Variants in RANGAP1 observed in about 807,000 individuals in gnomAD.
RANGAP1 encodes the protein Ran GTPase activating protein 1.
RANGAP1 carries 38 observed loss-of-function variants against 63.5 expected under a neutral mutation model. That is an observed-to-expected ratio of 0.60 (90% CI 0.46 to 0.78). RANGAP1 has a LOEUF of 0.78. Ranked by LOEUF, RANGAP1 falls within the 30% of genes least tolerant of loss-of-function variation. The pLI is 0.00. For missense variants in RANGAP1, 630 were observed against 740.3 expected, an observed-to-expected ratio of 0.85 and a Z score of 1.73; for synonymous variants, 329 against 310.5, an observed-to-expected ratio of 1.06 and a Z score of -0.63.
chr22:41,261,681 A>T, intron 5 of RANGAP1, 101 bp from the exon 6 acceptor site: 1 of 1,470,364 alleles, frequency 6.8e-7, no homozygotes, highest in Non-Finnish European at 9.4e-7. Context: ...CACGCCACCC[A>T]TCGGTGCAGG....
chr22:41,271,892 C>G (rs529117276), intron 3 of RANGAP1, among the ~76,000 whole-genome samples: 1 of 152,216 alleles, frequency 6.6e-6, no homozygotes, highest in African/African-American at 2.4e-5. Flanking sequence ...TCCCACCCTG[C>G]CCCTGCCCTG....
chr22:41,249,655 G>A (rs941603335), intron 14 of RANGAP1, 74 bp downstream of exon 14: 154 of 1,551,968 alleles, frequency 9.9e-5, no homozygotes, highest in Non-Finnish European at 1.3e-4. Context: ...GGAGGTTGGC[G>A]GGCATGGCTG....
rs147153920 is a variant in RANGAP1 at position 41,265,225 on chromosome 22, C to T, written c.301-382G>A. The stretch of plus-strand genomic sequence containing the variant: ...GCTGTGGGTAGGCTCCAGAAGAAGC[C>T]GTGGCATGGGCTTTGGGTGGAAGGG... On this transcript the variant is annotated intron_variant, in intron 4 of 15. Coordinates refer to ENST00000356244, the MANE Select transcript of RANGAP1 (RefSeq NM_002883.4). 1.8e-3 allele frequency among the ~76,000 whole-genome samples: 269 copies of T among 152,312 alleles called. 4 individuals are homozygous for T. In the East Asian group the frequency reaches 0.046, roughly 26 times the overall value.
intron 5 of RANGAP1, among the ~76,000 whole-genome samples, chr22:41,262,138 G>A (rs914183298): frequency 3.9e-5 from 6 of 152,186 alleles, no homozygotes; most frequent in African/African-American, 1.4e-4. Flanking sequence ...ACACCTGCCT[G>A]TGCCTAAAAG....
intron 10 of RANGAP1, 111 bp from the exon 11 acceptor site, chr22:41,254,605 CTGG>C (rs1224916159): frequency 2.2e-5 from 33 of 1,484,892 alleles, no homozygotes; most frequent in Non-Finnish European, 2.8e-5. Flanking sequence ...GGGAGAGAGC[CTGG>C]TGGGGTGGGA....
intron 5 of RANGAP1, among the ~76,000 whole-genome samples, chr22:41,262,287 C>A (rs768228796): frequency 6.6e-6 from 1 of 152,122 alleles, no homozygotes; most frequent in Non-Finnish European, 1.5e-5. Context: ...GGAGACTGAC[C>A]GATGGGAATC....
chr22:41,266,271 T>A (rs544881796), intron 4 of RANGAP1, among the ~76,000 whole-genome samples: 1 of 82,020 alleles, frequency 1.2e-5, no homozygotes. Context: ...AAACACCCTG[T>A]GCCTACTCCA....
Position 41,256,043 on chromosome 22 carries a change from C to T in RANGAP1, c.1051G>A (p.Ala351Thr), listed in dbSNP as rs577822821. ...LQEVLEGFNM[A>T]KVLASLSDDE... ...TACCTGAGGGACGCCAGCACCTTGG[C>T]CATGTTGAAGCCCTCCAGCACCTCC... The change falls in exon 10 of 16, where the codon GCC becomes ACC. Residue 351 changes from alanine to threonine, a missense_variant. Ala to Thr is a moderately conservative substitution (Grantham distance 58, BLOSUM62 0). Around this residue, in one of 3 missense-constraint regions of RANGAP1, gnomAD observed 428 missense variants for 465.5 expected, o/e 0.92. Coordinates refer to ENST00000356244, the MANE Select transcript of RANGAP1 (RefSeq NM_002883.4). 3.6e-5 allele frequency: 58 copies of T among 1,613,878 alleles called. 1 individual carries two copies. The South Asian group carries it at 5.8e-4, about 16-fold the overall frequency.
chr22:41,280,685 C>T, intron 2 of RANGAP1: 4 of 1,441,358 alleles, frequency 2.8e-6, no homozygotes, highest in Non-Finnish European at 3.7e-6. Flanking sequence ...TACCTATCAT[C>T]CCCTCCTGAG....
At position 41,249,738 on chromosome 22, in the gene RANGAP1, A is replaced by C. The variant is rs2033307167; in HGVS notation, c.1563T>G (p.Gly521=). The C allele has an allele frequency of 6.2e-7, 1 of 1,613,284 alleles. No homozygotes were observed. Among genetic ancestry groups the C allele is most frequent in the Non-Finnish European group, 8.5e-7 (1 of 1,179,250 alleles). ...TTCCTTCCGGCCTCACCTTGAGCAG[A>C]CCCATGTGCACGAGCAGCCTGGTGA... ...TFLTRLLVHM[G]LLKSEDKVKA... is the part of the protein sequence containing the mutation. The change falls in exon 14 of 16, where the codon GGT becomes GGG. Residue 521 remains glycine (G), a synonymous_variant. Transcript: ENST00000356244.
chr22:41,246,703 G>A (rs775127438), intron 15 of RANGAP1, 31 bp from the exon 16 acceptor site: 2 of 1,517,522 alleles, frequency 1.3e-6, no homozygotes, highest in Non-Finnish European at 1.8e-6. Context: ...GCAGGTCGGT[G>A]GATGCCTCTT....
the RANGAP1 span, among the ~76,000 whole-genome samples, chr22:41,299,294 G>T: frequency 6.6e-6 from 1 of 151,802 alleles, no homozygotes; most frequent in African/African-American, 2.4e-5. Flanking sequence ...CACCATGCCT[G>T]GCTAATTTTT....
chr22:41,248,170 G>A (rs574963363), intron 15 of RANGAP1, among the ~76,000 whole-genome samples: 68 of 138,060 alleles, frequency 4.9e-4, no homozygotes, highest in Non-Finnish European at 3.5e-4. Context: ...GGCTCAGGGA[G>A]AGCACACTGT....
chr22:41,246,806 C>T, intron 15 of RANGAP1, 134 bp from the exon 16 acceptor site: 2 of 816,886 alleles, frequency 2.4e-6, no homozygotes, highest in Non-Finnish European at 4.0e-6. Context: ...TAGCCCTCTG[C>T]CTTCTGCACA....
chr22:41,253,205 G>C lies in RANGAP1; in HGVS notation c.1261-214C>G, dbSNP rs554067815. Among the ~76,000 whole-genome samples the C allele has an allele frequency of 5.1e-4, 78 of 152,260 alleles. No homozygotes were observed. In the Middle Eastern group the frequency reaches 0.01, roughly 20 times the overall value. Reference sequence around the variant, plus strand: ...ATGGCTCTTGGTCCAGGAGCCTTTGGGGTGAGGGGGAAGCTACCTCCCTGG... The same window carrying C: ...ATGGCTCTTGGTCCAGGAGCCTTTGCGGTGAGGGGGAAGCTACCTCCCTGG... On this transcript the variant is annotated intron_variant, in intron 11 of 15. Coordinates refer to ENST00000356244, the MANE Select transcript of RANGAP1 (RefSeq NM_002883.4).
chr22:41,277,198 C>T (rs2035203915), intron 2 of RANGAP1, among the ~76,000 whole-genome samples: 1 of 149,254 alleles, frequency 6.7e-6, no homozygotes. Flanking sequence ...CTGCCTCAGC[C>T]TCCCAAGTAG....
chr22:41,265,412 A>G (rs2034407908), intron 4 of RANGAP1, among the ~76,000 whole-genome samples: 1 of 152,222 alleles, frequency 6.6e-6, no homozygotes, highest in South Asian at 2.1e-4. Context: ...GTGCCCACCC[A>G]GGAGTGTGAG....
intron 2 of RANGAP1, among the ~76,000 whole-genome samples, chr22:41,280,182 C>T (rs1416077808): frequency 6.6e-6 from 1 of 152,206 alleles, no homozygotes; most frequent in Non-Finnish European, 1.5e-5. Context: ...AGCACGCTCC[C>T]AGCTACCCAA....
chr22:41,265,035 G>A (rs778625362), intron 4 of RANGAP1, among the ~76,000 whole-genome samples, 192 bp from the exon 5 acceptor site: 1 of 152,256 alleles, frequency 6.6e-6, no homozygotes, highest in Non-Finnish European at 1.5e-5. Context: ...GAGAGTGGGG[G>A]ATGCGTATGC....
Sources: allele counts gnomAD v4.1 joint callset (sites outside exome capture counted in the v4.1 genomes callset), GRCh38; gene constraint gnomAD v4.1.1; regional missense constraint gnomAD v4.1.1; transcripts MANE v1.5; gene names NCBI Gene and HGNC (gene_info 2026-07-23, HGNC 2026-07-21).